Variants in MYO10 observed in about 807,000 individuals in gnomAD.
The protein encoded by MYO10 is myosin X.
Under a neutral mutation model 257.3 loss-of-function variants are expected in MYO10, and 133 were observed. The ratio of observed to expected loss-of-function variants is 0.52; its 90% CI spans 0.45 to 0.60. The LOEUF is 0.60. MYO10 is among the 20% of genes least tolerant of loss of function. MYO10 has a pLI of 0.00. For synonymous variants in MYO10, 1,104 were observed against 1,028.6 expected (o/e 1.07, Z -1.40); for missense variants, 2,399 against 2,635.7 (o/e 0.91, Z 1.97).
intron 2 of MYO10, among the ~76,000 whole-genome samples, chr5:16,868,839 G>A (rs866346199): frequency 1.3e-5 from 2 of 152,100 alleles, no homozygotes; most frequent in Non-Finnish European, 2.9e-5. Flanking sequence ...GAATACTTTG[G>A]TTCTCTGTAT....
At chr5:16,845,185 G>T (rs1743598826) in intron 2 of MYO10, among the ~76,000 whole-genome samples, 1 of 151,986 alleles carries the variant, frequency 6.6e-6, no homozygotes, top group South Asian at 2.1e-4. Flanking sequence ...ATTTTTTCCT[G>T]AAAGGTAACA....
intron 1 of MYO10, among the ~76,000 whole-genome samples, chr5:16,932,912 T>C: frequency 6.6e-6 from 1 of 152,190 alleles, no homozygotes; most frequent in African/African-American, 2.4e-5. Flanking sequence ...GAACTACAGG[T>C]GCATACCACC....
chr5:16,672,869 C>G, intron 36 of MYO10, 44 bp from the exon 37 acceptor site: 1 of 1,595,008 alleles, frequency 6.3e-7, no homozygotes, highest in Non-Finnish European at 8.5e-7. Flanking sequence ...AGGCTGCGGC[C>G]CCAACACGTG....
chr5:16,761,688 T>C (rs1355218095), intron 16 of MYO10, 142 bp from the exon 17 acceptor site: 1 of 695,286 alleles, frequency 1.4e-6, no homozygotes, highest in East Asian at 2.7e-5. Flanking sequence ...TCTTGCTCTA[T>C]TTCCCAGGCT....
intron 4 of MYO10, among the ~76,000 whole-genome samples, chr5:16,794,415 GAAT>G (rs1417667637): frequency 1.3e-5 from 2 of 148,636 alleles, no homozygotes; most frequent in African/African-American, 4.9e-5. Flanking sequence ...GAACAGAATG[GAAT>G]AATTATTCTG....
rs534291001 is a variant in MYO10, at chr5:16,701,143, G to T, written c.3252C>A (p.Ser1084=). Residue 1084 remains serine (S), a synonymous_variant, in exon 25 of 41, where the codon TCC becomes TCA. Transcript: ENST00000513610. This position sits in a 1 kb window ranked among gnomAD's most constrained non-coding sequence, Gnocchi z 8.1. ...CMPQNAGDLP[S]PDGDYDYDQD... ...GGTCGTAGTCGTAGTCGCCGTCTGG[G>T]GAGGGCAAGTCCCCAGCGTTCTGGG... 29 of 1,601,706 alleles carry T rather than the reference G, an allele frequency of 1.8e-5. No individual in the cohort carries two copies.
At chr5:16,718,131 C>T (rs1738964793) in intron 19 of MYO10, among the ~76,000 whole-genome samples, 1 of 152,220 alleles carries the variant, frequency 6.6e-6, no homozygotes, top group Admixed American at 6.5e-5. Flanking sequence ...GGTCCCCAGG[C>T]AGTGCCAGCC....
intron 26 of MYO10, among the ~76,000 whole-genome samples, chr5:16,697,487 G>C (rs184971370): frequency 6.6e-6 from 1 of 152,118 alleles, no homozygotes; most frequent in African/African-American, 2.4e-5. Context: ...AGATCACAAG[G>C]TTAGGAGTTC....
intron 1 of MYO10, among the ~76,000 whole-genome samples, chr5:16,886,949 A>G (rs1359708748): frequency 1.5e-5 from 2 of 136,968 alleles, no homozygotes; most frequent in Non-Finnish European, 3.2e-5. Context: ...AAAAAAAAAA[A>G]CAAAGCAAAA....
chr5:16,850,587 T>A (rs919388563), intron 2 of MYO10, among the ~76,000 whole-genome samples: 23 of 152,058 alleles, frequency 1.5e-4, no homozygotes, highest in Non-Finnish European at 2.8e-4. Context: ...CTTATTTTTT[T>A]AAATAATTTT....
At chr5:16,815,431 T>G in intron 3 of MYO10, 1 of 699,712 alleles carries the variant, frequency 1.4e-6, no homozygotes. Context: ...GGATTTGGAG[T>G]TTTTGGATTA....
chr5:16,791,551 C>CACACACACAT (rs10529454), intron 4 of MYO10, among the ~76,000 whole-genome samples: 51,967 of 108,128 alleles, frequency 0.48, 10,339 homozygotes, highest in Non-Finnish European at 0.59. Context: ...TACATACACA[C>CACACACACAT]ACACACACAC....
At chr5:16,812,785 G>T (rs1241107366) in intron 3 of MYO10, among the ~76,000 whole-genome samples, 1 of 151,896 alleles carries the variant, frequency 6.6e-6, no homozygotes, top group Non-Finnish European at 1.5e-5. Context: ...TGTTAAGAGG[G>T]ATTATGATAT....
At chr5:16,835,611 A>G (rs570605506) in intron 2 of MYO10, among the ~76,000 whole-genome samples, 14 of 150,090 alleles carry the variant, frequency 9.3e-5, no homozygotes, top group African/African-American at 3.4e-4. Flanking sequence ...ATAACAAGCC[A>G]CATCAGCTCA....
chr5:16,794,780 C>A lies in MYO10; in HGVS notation c.333G>T (p.Gly111=), dbSNP rs368079460. 8.1e-6 allele frequency: 13 copies of A among 1,602,062 alleles called. No individual in the cohort carries two copies. Among genetic ancestry groups the A allele is most frequent in the African/African-American group, 1.3e-5 (1 of 74,536 alleles). ...GCTCCATGGTGGCAGGCTCGTACAGCCCGGCGATGGGCTGGTAGGGGTTCA... is the reference window on the plus strand; with the variant it reads ...GCTCCATGGTGGCAGGCTCGTACAGACCGGCGATGGGCTGGTAGGGGTTCA... ...ASVNPYQPIA[G]LYEPATMEQY... is the part of the protein sequence containing the mutation. Residue 111 remains glycine (G), a synonymous_variant, in exon 4 of 41, where the codon GGG becomes GGT. Transcript: ENST00000513610.
At chr5:16,847,880 T>G (rs557193207) in intron 2 of MYO10, among the ~76,000 whole-genome samples, 1 of 152,094 alleles carries the variant, frequency 6.6e-6, no homozygotes, top group African/African-American at 2.4e-5. Context: ...CTGGGCAACA[T>G]AGCAAGACCC....
At chr5:16,864,754 G>A (rs1744194737) in intron 2 of MYO10, among the ~76,000 whole-genome samples, 1 of 152,138 alleles carries the variant, frequency 6.6e-6, no homozygotes, top group South Asian at 2.1e-4. Flanking sequence ...GAAAATTAAT[G>A]GAAACATCTG....
At chr5:16,767,169 T>C (rs1383565620) in intron 10 of MYO10, among the ~76,000 whole-genome samples, 1 of 31,970 alleles carries the variant, frequency 3.1e-5, no homozygotes, top group Non-Finnish European at 8.2e-5. Context: ...CCAACTGTCT[T>C]TTTTTTTTTT....
rs374423758 is a variant in MYO10 at position 16,670,647 on chromosome 5, C to T, written c.5762G>A (p.Arg1921Gln). Reference protein sequence around the residue: ...MWIKEEVSSARASIIDKWRKF... With the variant: ...MWIKEEVSSAQASIIDKWRKF... Reference sequence around the variant, plus strand: ...CCTCCACTTGTCAATGATACTGGCTCGAGCAGAGGAGACTTCTTCCTTAAT... The same window carrying T: ...CCTCCACTTGTCAATGATACTGGCTTGAGCAGAGGAGACTTCTTCCTTAAT... Residue 1921 changes from arginine to glutamine, a missense_variant, in exon 39 of 41, where the codon CGA (arginine) becomes CAA (glutamine). Transcript: ENST00000513610. The T allele has an allele frequency of 9.3e-6, 15 of 1,613,874 alleles. No homozygotes were observed. Among genetic ancestry groups the T allele is most frequent in the African/African-American group, 4.0e-5 (3 of 74,920 alleles).
Sources: allele counts gnomAD v4.1 joint callset (sites outside exome capture counted in the v4.1 genomes callset), GRCh38; gene constraint gnomAD v4.1.1; non-coding constraint Gnocchi (gnomAD v3.1); transcripts MANE v1.5; gene names NCBI Gene and HGNC (gene_info 2026-07-23, HGNC 2026-07-21).